Variants in DOCK9 observed in about 807,000 individuals in gnomAD.
DOCK9 encodes dedicator of cytokinesis protein 9.
A neutral mutation model predicts 263.3 loss-of-function variants in DOCK9; 89 were observed. That is an observed-to-expected ratio of 0.34 (90% CI 0.28 to 0.40). DOCK9 has a LOEUF of 0.40. Ranked by LOEUF, DOCK9 falls within the 10% of genes least tolerant of loss-of-function variation. DOCK9 has a pLI of 1.00. For missense variants in DOCK9, 2,140 were observed against 2,603.4 expected (o/e 0.82, Z 3.87); for synonymous variants, 976 against 973.1 (o/e 1.00, Z -0.06).
chr13:98,897,716 T>C, intron 14 of DOCK9, 106 bp from the exon 15 acceptor site: 1 of 1,435,184 alleles, frequency 7.0e-7, no homozygotes, highest in Non-Finnish European at 9.4e-7. Context: ...TTCCATTGGC[T>C]ATAGCCAACA....
At chr13:98,844,743 G>A (rs979932818) in intron 38 of DOCK9, among the ~76,000 whole-genome samples, 1 of 152,152 alleles carries the variant, frequency 6.6e-6, no homozygotes, top group Non-Finnish European at 1.5e-5. Flanking sequence ...CTGGGTCAGA[G>A]GTGTGGGAAG....
At chr13:99,060,382 A>G (rs965505769) in intron 1 of DOCK9, among the ~76,000 whole-genome samples, 7 of 151,772 alleles carry the variant, frequency 4.6e-5, no homozygotes, top group African/African-American at 1.7e-4. Context: ...TGGCCCGATT[A>G]TTTCTACTTT....
chr13:99,016,659 A>C (rs1385830670), intron 1 of DOCK9, among the ~76,000 whole-genome samples: 1 of 152,226 alleles, frequency 6.6e-6, no homozygotes, highest in African/African-American at 2.4e-5. Flanking sequence ...GAAGCTTGTC[A>C]ATGATATGAT....
intron 46 of DOCK9, 44 bp downstream of exon 46, chr13:98,810,125 G>A (rs1227104063): frequency 3.1e-6 from 5 of 1,611,974 alleles, no homozygotes; most frequent in African/African-American, 2.7e-5. Flanking sequence ...ATGTCACAGC[G>A]TCATGCTCTC....
At chr13:98,801,544 A>G (rs1160855670) in intron 49 of DOCK9, among the ~76,000 whole-genome samples, 1 of 152,190 alleles carries the variant, frequency 6.6e-6, no homozygotes, top group Non-Finnish European at 1.5e-5. Context: ...ATCAACACAA[A>G]GGAGTTAATT....
At chr13:98,892,112 G>T (rs541531188) in intron 15 of DOCK9, among the ~76,000 whole-genome samples, 1 of 152,148 alleles carries the variant, frequency 6.6e-6, no homozygotes, top group South Asian at 2.1e-4. Context: ...AAAATTACAC[G>T]AATTAAGTAA....
intron 11 of DOCK9, 39 bp downstream of exon 11, chr13:98,902,933 A>ATT: frequency 7.6e-7 from 1 of 1,321,020 alleles, no homozygotes. Flanking sequence ...ACCTCTGCCT[A>ATT]TTTTTTTTTT....
intron 1 of DOCK9, among the ~76,000 whole-genome samples, chr13:98,988,006 G>A (rs1013716889): frequency 3.3e-5 from 5 of 152,044 alleles, no homozygotes; most frequent in African/African-American, 7.2e-5. Context: ...TAGTGTGTCA[G>A]AAATGTGAAA....
At chr13:99,067,067 C>T (rs2041453928) in intron 1 of DOCK9, among the ~76,000 whole-genome samples, 1 of 152,204 alleles carries the variant, frequency 6.6e-6, no homozygotes, top group Admixed American at 6.5e-5. Context: ...GCACCGGTCA[C>T]AACCTTCCTT....
chr13:98,910,504 T>C (rs1485860236), intron 9 of DOCK9, among the ~76,000 whole-genome samples: 1 of 152,192 alleles, frequency 6.6e-6, no homozygotes, highest in Non-Finnish European at 1.5e-5. Context: ...TTTACATCAC[T>C]CACACTGTAA....
intron 27 of DOCK9, among the ~76,000 whole-genome samples, chr13:98,868,656 G>A (rs2094109916): frequency 6.6e-6 from 1 of 152,172 alleles, no homozygotes; most frequent in South Asian, 2.1e-4. Context: ...TCAGGAGGCT[G>A]AGGTGGTAGG....
At chr13:98,950,496 T>C (rs2057283524) in intron 2 of DOCK9, 2 of 462,484 alleles carry the variant, frequency 4.3e-6, no homozygotes, top group African/African-American at 4.0e-5. Context: ...AGAGACGAGG[T>C]CTTGCTGTGC....
intron 36 of DOCK9, 55 bp downstream of exon 36, chr13:98,849,992 T>C: frequency 2.3e-6 from 3 of 1,297,060 alleles, no homozygotes; most frequent in Non-Finnish European, 2.2e-6. Flanking sequence ...TCTTCAAGCC[T>C]CTTAATGATC....
chr13:99,086,144 T>C, intron 1 of DOCK9: 2 of 1,390,752 alleles, frequency 1.4e-6, no homozygotes, highest in South Asian at 1.5e-5. Context: ...CCCTGCCGAC[T>C]AAGAGGCGCC....
At chr13:98,872,561 C>T (rs976736880) in intron 27 of DOCK9, among the ~76,000 whole-genome samples, 2 of 152,128 alleles carry the variant, frequency 1.3e-5, no homozygotes, top group Non-Finnish European at 2.9e-5. Flanking sequence ...CATGTGTCAC[C>T]ATGCCCAGCT....
chr13:98,955,595 C>T (rs1415311437), intron 1 of DOCK9, 44 bp from the exon 2 acceptor site: 2 of 1,335,726 alleles, frequency 1.5e-6, no homozygotes, highest in South Asian at 2.5e-5. Flanking sequence ...TACACAAATG[C>T]CATTTCTTAA....
chr13:98,937,996 C>T (rs1178159474), intron 2 of DOCK9, among the ~76,000 whole-genome samples: 1 of 152,196 alleles, frequency 6.6e-6, no homozygotes, highest in Admixed American at 6.5e-5. Context: ...GTTTCCTCAC[C>T]TGGGCCGACC....
chr13:98,807,534 C>T, intron 48 of DOCK9, 127 bp downstream of exon 48: 1 of 818,764 alleles, frequency 1.2e-6, no homozygotes, highest in Non-Finnish European at 1.7e-6. Flanking sequence ...GAAAATACAC[C>T]TGCCACTCAC....
intron 5 of DOCK9, 36 bp downstream of exon 5, chr13:98,923,266 A>G (rs778580577): frequency 3.8e-6 from 6 of 1,583,968 alleles, no homozygotes; most frequent in Admixed American, 1.7e-5. Context: ...TTAAATCTAG[A>G]GTGAAAAGAG....
Sources: allele counts gnomAD v4.1 joint callset (sites outside exome capture counted in the v4.1 genomes callset), GRCh38; gene constraint gnomAD v4.1.1; transcripts MANE v1.5; gene names NCBI Gene and HGNC (gene_info 2026-07-23, HGNC 2026-07-21).